The following MAST4 variants were observed in gnomAD, a reference collection of about 807,000 sequenced individuals.
The protein encoded by MAST4 is microtubule associated serine/threonine kinase family member 4.
Under a neutral mutation model 162.7 loss-of-function variants are expected in MAST4, and 89 were observed. The observed-to-expected ratio is 0.55, with a 90% CI of 0.46 to 0.65. MAST4 has a LOEUF of 0.65. Among genes scored for constraint, MAST4 ranks in the 30% least tolerant of loss-of-function variants. The pLI, the probability that MAST4 is intolerant of heterozygous loss-of-function variation, is 0.00. For synonymous variants in MAST4, 1,479 were observed against 1,361.1 expected (o/e 1.09, Z -1.91); for missense variants, 3,153 against 3,374.0 (o/e 0.93, Z 1.62).
At chr5:66,996,709 A>C (rs1029069035) in intron 4 of MAST4, among the ~76,000 whole-genome samples, 2 of 152,106 alleles carry the variant, frequency 1.3e-5, no homozygotes, top group East Asian at 3.8e-4. Context: ...CCAGCAGCCT[A>C]GCATCTCATT....
intron 1 of MAST4, among the ~76,000 whole-genome samples, chr5:66,729,779 G>C (rs1381269614): frequency 2.0e-5 from 3 of 152,232 alleles, no homozygotes; most frequent in Non-Finnish European, 4.4e-5. Flanking sequence ...AATGGGCTTA[G>C]AGAAATATTG....
At chr5:67,113,642 CCTG>C (rs1766530065) in intron 11 of MAST4, among the ~76,000 whole-genome samples, 1 of 152,078 alleles carries the variant, frequency 6.6e-6, no homozygotes, top group Non-Finnish European at 1.5e-5. Context: ...AAGAGAGTCT[CCTG>C]CAACATTTTT....
At chr5:66,819,271 G>A (rs978874508) in intron 3 of MAST4, among the ~76,000 whole-genome samples, 1 of 152,094 alleles carries the variant, frequency 6.6e-6, no homozygotes, top group African/African-American at 2.4e-5. Flanking sequence ...AAGAAACTTA[G>A]CTATTTAAAA....
At chr5:67,111,429 T>C (rs992394830) in intron 11 of MAST4, among the ~76,000 whole-genome samples, 1 of 151,994 alleles carries the variant, frequency 6.6e-6, no homozygotes, top group East Asian at 1.9e-4. Flanking sequence ...AGGAGAAAGG[T>C]AGGGAGTTGG....
At position 67,167,074 on chromosome 5, in the gene MAST4, CTGTGGAGACCCGTCCTGAACGGGCGACTG is replaced by C. The variant is rs759411854; in HGVS notation, c.*27_*55del. Reference sequence around the variant, plus strand: ...TAACGGGGAGGGCCCAGGGGCAGGACTGTGGAGACCCGTCCTGAACGGGCGACTGTGTCTTGACTACCTTTCAAAACCAG... The same window carrying C: ...TAACGGGGAGGGCCCAGGGGCAGGACTGTCTTGACTACCTTTCAAAACCAG... On this transcript the variant is annotated 3_prime_UTR_variant, in exon 29 of 29. Coordinates refer to ENST00000403625, the MANE Select transcript of MAST4 (RefSeq NM_001164664.2). 3 of 1,539,234 alleles carry C rather than the reference CTGTGGAGACCCGTCCTGAACGGGCGACTG, an allele frequency of 1.9e-6. No individual in the cohort carries two copies. Among genetic ancestry groups the C allele is most frequent in the Non-Finnish European group, 1.7e-6 (2 of 1,142,976 alleles).
intron 5 of MAST4, among the ~76,000 whole-genome samples, chr5:67,059,073 A>G (rs1441352454): frequency 6.6e-6 from 1 of 152,120 alleles, no homozygotes; most frequent in Non-Finnish European, 1.5e-5. Flanking sequence ...CTGGGAAAGA[A>G]CTCACTTCCA....
intron 3 of MAST4, among the ~76,000 whole-genome samples, chr5:66,875,138 AT>A (rs1761209633): frequency 6.6e-6 from 1 of 152,220 alleles, no homozygotes; most frequent in African/African-American, 2.4e-5. Flanking sequence ...AGTCTTAGGA[AT>A]TTCAAGTGTT....
intron 3 of MAST4, among the ~76,000 whole-genome samples, chr5:66,803,410 G>A (rs1756018965): frequency 6.6e-6 from 1 of 152,156 alleles, no homozygotes; most frequent in Non-Finnish European, 1.5e-5. Flanking sequence ...ATGAAATCCT[G>A]TAAGCTGATT....
In MAST4 at chr5:67,144,761, A is replaced by G; in HGVS notation, c.2823A>G (p.Thr941=). The G allele has an allele frequency of 2.5e-6, 4 of 1,613,332 alleles. No individual in the cohort carries two copies. Among genetic ancestry groups the G allele is most frequent in the Non-Finnish European group, 3.4e-6 (4 of 1,179,486 alleles). The change falls in exon 22 of 29, where the codon ACA becomes ACG. Residue 941 remains threonine (T), a synonymous_variant. Transcript: ENST00000403625. The part of the protein sequence containing the change: ...DKTKSTTLPS[T]ETLSWSSEYS... ...CCAAAAGCACCACCTTGCCATCCACAGAAACACTGAGCTGGAGTTCAGAAT... is the reference window on the plus strand; with the variant it reads ...CCAAAAGCACCACCTTGCCATCCACGGAAACACTGAGCTGGAGTTCAGAAT...
At chr5:66,836,310 G>T (rs185912058) in intron 3 of MAST4, among the ~76,000 whole-genome samples, 11 of 152,250 alleles carry the variant, frequency 7.2e-5, no homozygotes, top group African/African-American at 2.4e-4. Flanking sequence ...TGTTGGTGAG[G>T]TGCAGAGAAA....
intron 3 of MAST4, among the ~76,000 whole-genome samples, chr5:66,828,274 G>A (rs1345274490): frequency 6.6e-6 from 1 of 152,158 alleles, no homozygotes; most frequent in Non-Finnish European, 1.5e-5. Flanking sequence ...CCGTTTTCAG[G>A]TTTGCAGGCA....
At chr5:66,973,692 C>G (rs985420035) in intron 4 of MAST4, among the ~76,000 whole-genome samples, 2 of 152,140 alleles carry the variant, frequency 1.3e-5, no homozygotes, top group Admixed American at 1.3e-4. Flanking sequence ...TGACCTTGCT[C>G]AAATCATTTA....
intron 4 of MAST4, among the ~76,000 whole-genome samples, chr5:67,038,152 C>T (rs1202007544): frequency 6.6e-6 from 1 of 151,954 alleles, no homozygotes; most frequent in Admixed American, 6.6e-5. Context: ...CTTTGTCTAC[C>T]TGGCTATTGA....
At position 67,165,289 on chromosome 5, in the gene MAST4, C is replaced by T. The variant is rs199523154; in HGVS notation, c.6110C>T (p.Ala2037Val). 2.1e-4 allele frequency: 346 copies of T among 1,613,436 alleles called. No individual in the cohort carries two copies. In the East Asian group the frequency reaches 2.2e-3, roughly 10 times the overall value. ...ACCCAGGCCATGGAGAAAGCATGGG[C>T]GCCGGGTGGGAAAACGAACCACAAA... ...TQTQAMEKAW[A>V]PGGKTNHKDG... is the part of the protein sequence containing the mutation. Residue 2037 changes from alanine to valine, a missense_variant, in exon 29 of 29, where the codon GCG becomes GTG. Coordinates refer to ENST00000403625, the MANE Select transcript of MAST4 (RefSeq NM_001164664.2).
At chr5:66,959,136 G>C in intron 4 of MAST4, 2 of 734,130 alleles carry the variant, frequency 2.7e-6, no homozygotes, top group East Asian at 2.5e-5. Flanking sequence ...CCCCTCGAGA[G>C]AGTGTTAGTC....
rs1773923624 is a variant in MAST4, at chr5:67,166,164, C to T, written c.6985C>T (p.Leu2329=). The T allele has an allele frequency of 1.5e-5, 23 of 1,562,756 alleles. No homozygotes were observed. Among genetic ancestry groups the T allele is most frequent in the Non-Finnish European group, 2.0e-5 (23 of 1,153,044 alleles). Residue 2329 remains leucine (L), a synonymous_variant, in exon 29 of 29, where the codon CTG becomes TTG. Coordinates refer to ENST00000403625, the MANE Select transcript of MAST4 (RefSeq NM_001164664.2). ...GTCCGCTGTTGGTGAAAAGCAAACC[C>T]TGTCTCCAAAGCACCCCAAACCATC... ...KLSAVGEKQT[L]SPKHPKPSTV... is the part of the protein sequence containing the mutation.
intron 4 of MAST4, among the ~76,000 whole-genome samples, chr5:66,937,797 T>C (rs1257498962): frequency 6.6e-6 from 1 of 151,856 alleles, no homozygotes; most frequent in East Asian, 1.9e-4. Context: ...TGGCATCTAA[T>C]TTTTTCTTCC....
rs557061667 is a variant in MAST4, at chr5:66,700,407, T to A, written c.364-59302T>A. Among the ~76,000 whole-genome samples the A allele has an allele frequency of 2.6e-5, 4 of 152,286 alleles. No individual in the cohort carries two copies. The East Asian group carries it at 7.7e-4, about 29-fold the overall frequency. On this transcript the variant is annotated intron_variant, in intron 1 of 28. Transcript: ENST00000403625. ...CTTTAAGCCTTAAATTTTGATATGA[T>A]ACACTTAAATGTTTTGAATTTTATA...
chr5:66,870,333 T>G (rs1225009140), intron 3 of MAST4, among the ~76,000 whole-genome samples: 1 of 152,170 alleles, frequency 6.6e-6, no homozygotes. Context: ...GATTGTGATT[T>G]CCACATCATT....
Sources: gnomAD v4.1 joint callset for allele counts (sites outside exome capture counted in the v4.1 genomes callset) on GRCh38, gnomAD v4.1.1 for gene constraint, MANE v1.5 for transcripts, NCBI Gene and HGNC (gene_info 2026-07-23, HGNC 2026-07-21) for gene names.